ZC3H7B: variants seen among roughly 807,000 people sequenced by gnomAD.
ZC3H7B encodes zinc finger CCCH domain-containing protein 7B.
ZC3H7B carries 35 observed loss-of-function variants against 116.0 expected under a neutral mutation model. The observed-to-expected ratio is 0.30, with a 90% confidence interval of 0.23 to 0.40. ZC3H7B has a LOEUF of 0.40. Ranked by LOEUF, ZC3H7B falls within the 10% of genes least tolerant of loss-of-function variation. ZC3H7B has a pLI of 1.00. For missense variants in ZC3H7B, 1,011 were observed against 1,321.5 expected, an observed-to-expected ratio of 0.77 and a Z score of 3.64; for synonymous variants, 502 against 545.6, an observed-to-expected ratio of 0.92 and a Z score of 1.11.
At position 41,355,962 on chromosome 22, in the gene ZC3H7B, C is replaced by T. The variant is rs774784069; in HGVS notation, c.2283C>T (p.Ile761=). ...CCACGCCCACCCCACAGCTCTGCAT[C>T]CATGCACAGAACGGCCGCAAGTGCC... ...RNFPQQYDLC[I]HAQNGRKCQY... is the part of the protein sequence containing the mutation. The change falls in exon 20 of 23, where the codon ATC becomes ATT. Residue 761 remains isoleucine, a synonymous_variant. Transcript: ENST00000352645. 76 of 1,579,302 alleles carry T rather than the reference C, an allele frequency of 4.8e-5. No homozygotes were observed. Among genetic ancestry groups the T allele is most frequent in the Non-Finnish European group, 6.0e-5 (70 of 1,162,626 alleles).
chr22:41,351,546 C>T lies in ZC3H7B; in HGVS notation c.1949-15C>T, dbSNP rs1311538564. On this transcript the variant is annotated splice_polypyrimidine_tract_variant and intron_variant, in intron 16 of 22. Coordinates refer to ENST00000352645, the MANE Select transcript of ZC3H7B (RefSeq NM_017590.6). The surrounding 1 kb of genome is among the most constrained non-coding windows in gnomAD (Gnocchi z 5.1). ...CACCTTGAAAGATGCCTGTGTCTGC[C>T]CCCACCCTCCCCAGGCATGACCCAC... 1.2e-6 allele frequency: 2 copies of T among 1,610,110 alleles called. No individual in the cohort carries two copies. Among genetic ancestry groups the T allele is most frequent in the South Asian group, 1.1e-5 (1 of 90,186 alleles).
intron 2 of ZC3H7B, 63 bp from the exon 3 acceptor site, chr22:41,325,501 T>G: frequency 6.4e-7 from 1 of 1,572,920 alleles, no homozygotes; most frequent in Non-Finnish European, 8.6e-7. Flanking sequence ...GGAGTAGCTC[T>G]GGACCTCCAT....
rs772851197 is a variant in ZC3H7B, at chr22:41,351,571, C to T, written c.1959C>T (p.His653=). The T allele has an allele frequency of 9.9e-5, 160 of 1,613,482 alleles. No homozygotes were observed. The Middle Eastern group carries it at 1.2e-3, about 12-fold the overall frequency. Residue 653 remains histidine (H), a synonymous_variant, in exon 17 of 23, where the codon CAC becomes CAT. Transcript: ENST00000352645. This position sits in a 1 kb window ranked among gnomAD's most constrained non-coding sequence, Gnocchi z 5.1. ...WLLQQYSGMT[H]EDIVQESKKY... ...CCCCACCCTCCCCAGGCATGACCCA[C>T]GAAGACATCGTTCAGGAGTCTAAGA...
chr22:41,303,518 C>G (rs2036001593), intron 1 of ZC3H7B, among the ~76,000 whole-genome samples: 1 of 152,158 alleles, frequency 6.6e-6, no homozygotes, highest in Non-Finnish European at 1.5e-5. Flanking sequence ...AATAATCCCT[C>G]AAATATCACT....
chr22:41,342,490 C>T (rs763474942), intron 11 of ZC3H7B, 39 bp from the exon 12 acceptor site: 1 of 1,597,826 alleles, frequency 6.3e-7, no homozygotes, highest in South Asian at 1.1e-5. Context: ...CCTCAGCCAT[C>T]ATCCAGTGCC....
chr22:41,324,221 G>C (rs2080309721), intron 2 of ZC3H7B, among the ~76,000 whole-genome samples: 2 of 152,204 alleles, frequency 1.3e-5, no homozygotes, highest in Admixed American at 1.3e-4. Flanking sequence ...AGTATGGGGA[G>C]GGAGGGCAGG....
chr22:41,331,070 C>A (rs1246858129), intron 6 of ZC3H7B, among the ~76,000 whole-genome samples: 2 of 143,194 alleles, frequency 1.4e-5, no homozygotes, highest in Admixed American at 1.4e-4. Flanking sequence ...GGGGTTTCAC[C>A]GTGGTCTCGA....
In ZC3H7B at chr22:41,318,301, G is replaced by A. The variant is rs549919996; in HGVS notation, c.-6-2354G>A. Among the ~76,000 whole-genome samples the A allele has an allele frequency of 6.1e-4, 93 of 152,132 alleles. No individual in the cohort carries two copies. In the Middle Eastern group the frequency reaches 0.014, roughly 22 times the overall value. The stretch of plus-strand genomic sequence containing the variant: ...TCCCAGCACTTTGGGAGGCCGAGGC[G>A]GGCAGATCACGAGCTCAGGAGATCA... On this transcript the variant is annotated intron_variant, in intron 1 of 22. Coordinates refer to ENST00000352645, the MANE Select transcript of ZC3H7B (RefSeq NM_017590.6).
rs766418434 is a variant in ZC3H7B at position 41,346,026 on chromosome 22, A to C, written c.1483A>C (p.Lys495Gln). 1.9e-6 allele frequency: 3 copies of C among 1,614,114 alleles called. No individual in the cohort carries two copies. Among genetic ancestry groups the C allele is most frequent in the Non-Finnish European group, 2.5e-6 (3 of 1,180,004 alleles). ...AGACATGATTAACAAGCAGGACTGT[A>C]AGTACGGGGATAACTGCACCTTCGC... ...CKDMINKQDC[K>Q]YGDNCTFAYH... Residue 495 changes from lysine (K) to glutamine (Q), a missense_variant, in exon 14 of 23, where the codon AAG (lysine) becomes CAG (glutamine). Lys to Gln is a moderately conservative substitution (Grantham distance 53, BLOSUM62 1). Transcript: ENST00000352645. This position sits in a 1 kb window ranked among gnomAD's most constrained non-coding sequence, Gnocchi z 5.3.
chr22:41,309,252 C>T (rs552270888), intron 1 of ZC3H7B, among the ~76,000 whole-genome samples: 5 of 151,702 alleles, frequency 3.3e-5, no homozygotes, highest in Admixed American at 2.0e-4. Context: ...CCTCGTGATC[C>T]GCCCATCTCG....
Position 41,325,576 on chromosome 22 carries a change from C to T in ZC3H7B, c.66C>T (p.Pro22=). ...KGLQFIQSTL[P]LKQEEYEAFL... is the part of the protein sequence containing the mutation. ...CTTTTCCTGATAGGTCGACACTACC[C>T]CTAAAGCAAGAAGAATATGAGGTGA... is the stretch of plus-strand genomic sequence containing the variant. Residue 22 remains proline (P), a synonymous_variant, in exon 3 of 23, where the codon CCC becomes CCT. Transcript: ENST00000352645. 6.2e-7 allele frequency: 1 copy of T among 1,611,556 alleles called. No homozygotes were observed. Among genetic ancestry groups the T allele is most frequent in the Non-Finnish European group, 8.5e-7 (1 of 1,179,016 alleles).
At chr22:41,332,045 G>A in intron 6 of ZC3H7B, 126 bp from the exon 7 acceptor site, 1 of 938,332 alleles carries the variant, frequency 1.1e-6, no homozygotes, top group South Asian at 1.5e-5. Context: ...CTGGGGACAG[G>A]GACTCTCGGG....
chr22:41,353,836 AT>A (rs60656030), intron 17 of ZC3H7B, among the ~76,000 whole-genome samples: 32,062 of 152,060 alleles, frequency 0.21, 4,529 homozygotes, highest in Admixed American at 0.45. Flanking sequence ...GCTGCCCTCC[AT>A]CAGTCTCCTG....
At chr22:41,340,398 T>C (rs2036506450) in intron 10 of ZC3H7B, among the ~76,000 whole-genome samples, 1 of 151,902 alleles carries the variant, frequency 6.6e-6, no homozygotes, top group Non-Finnish European at 1.5e-5. Context: ...AGTCTGGTGC[T>C]CCCTGCCCAG....
chr22:41,318,064 G>A (rs1311204005), intron 1 of ZC3H7B, among the ~76,000 whole-genome samples: 1 of 152,208 alleles, frequency 6.6e-6, no homozygotes, highest in East Asian at 1.9e-4. Context: ...GCTAGACATA[G>A]AGTGGCCCTT....
chr22:41,350,165 AG>A (rs1183144318), intron 16 of ZC3H7B, among the ~76,000 whole-genome samples: 6 of 152,168 alleles, frequency 3.9e-5, no homozygotes, highest in Admixed American at 3.9e-4. Context: ...AGTGCATTCC[AG>A]AAGAGGGACC....
In ZC3H7B at chr22:41,302,918, C is replaced by T. The variant is rs902079100; in HGVS notation, c.-7+1146C>T. Among the ~76,000 whole-genome samples, 2 of 152,198 alleles carry T rather than the reference C, an allele frequency of 1.3e-5. No individual in the cohort carries two copies. Among genetic ancestry groups the T allele is most frequent in the African/African-American group, 4.8e-5 (2 of 41,448 alleles). ...TTTCTCGGGTTGCTAGCTTTGGCAT[C>T]AGACTTTGAACCCCAACTTCTTGCC... is the stretch of plus-strand genomic sequence containing the variant. On this transcript the variant is annotated intron_variant, in intron 1 of 22. Transcript: ENST00000352645. The surrounding 1 kb of genome is among the most constrained non-coding windows in gnomAD (Gnocchi z 5.7).
At chr22:41,342,978 G>A (rs1191505928) in intron 12 of ZC3H7B, among the ~76,000 whole-genome samples, 4 of 152,198 alleles carry the variant, frequency 2.6e-5, no homozygotes, top group African/African-American at 9.6e-5. Context: ...TTTGAGATCA[G>A]CCTGGCCAAC....
Position 41,341,092 on chromosome 22 carries a change from G to C in ZC3H7B, c.1143G>C (p.Glu381Asp), listed in dbSNP as rs1419080190. 1 of 1,613,816 alleles carries C rather than the reference G, an allele frequency of 6.2e-7. No individual in the cohort carries two copies. The highest frequency in any genetic ancestry group is 1.1e-5 in the South Asian group (1 of 91,050). ...CTGTGTCTTCTCCCTGCCCAGAGGA[G>C]ACCAACTCACAGGACCACCGTCCCC... ...SLDKPDSFME[E>D]TNSQDHRPPS... The change falls in exon 11 of 23, where the codon GAG becomes GAC. Residue 381 changes from glutamate (E) to aspartate (D), a missense_variant. Coordinates refer to ENST00000352645, the MANE Select transcript of ZC3H7B (RefSeq NM_017590.6).
Sources: gnomAD v4.1 joint callset for allele counts (sites outside exome capture counted in the v4.1 genomes callset) on GRCh38, gnomAD v4.1.1 for gene constraint, Gnocchi (gnomAD v3.1) non-coding constraint, MANE v1.5 for transcripts, NCBI Gene and HGNC (gene_info 2026-07-23, HGNC 2026-07-21) for gene names.